Variants in PDS5B observed in about 807,000 individuals in gnomAD.
The protein encoded by PDS5B is PDS5 cohesin associated factor B, also known as sister chromatid cohesion protein PDS5 homolog B.
In PDS5B, 51 loss-of-function variants were observed where a neutral mutation model predicts 184.1. The observed-to-expected ratio is 0.28, with a 90% confidence interval of 0.22 to 0.35. PDS5B has a LOEUF of 0.35. Ranked by LOEUF, PDS5B falls within the 10% of genes least tolerant of loss-of-function variation. The probability of loss-of-function intolerance (pLI) is 1.00; values close to 1 mark genes in which losing one functional copy is unlikely to be tolerated. For missense variants in PDS5B, 1,180 were observed against 1,723.3 expected, an observed-to-expected ratio of 0.68 and a Z score of 5.58; for synonymous variants, 566 against 569.2, an observed-to-expected ratio of 0.99 and a Z score of 0.08.
chr13:32,626,425 A>G lies in PDS5B; in HGVS notation c.-19-22329A>G, dbSNP rs549263489. 3.7e-4 allele frequency among the ~76,000 whole-genome samples: 56 copies of G among 152,332 alleles called. 1 individual carries two copies. Among genetic ancestry groups the G allele is most frequent in the Admixed American group, 1.8e-3 (28 of 15,304 alleles). On this transcript the variant is annotated intron_variant, in intron 1 of 34. Coordinates refer to ENST00000315596, the MANE Select transcript of PDS5B (RefSeq NM_015032.4). ...TTGGAAAACCATTGTTAGATAATCAAGGTTTTAAGGCTGAATTCGACCTTG... is the reference window on the plus strand; with the variant it reads ...TTGGAAAACCATTGTTAGATAATCAGGGTTTTAAGGCTGAATTCGACCTTG...
intron 19 of PDS5B, among the ~76,000 whole-genome samples, chr13:32,716,653 T>G (rs1451431657): frequency 5.0e-5 from 5 of 100,534 alleles, no homozygotes; most frequent in South Asian, 3.6e-4. Context: ...CCGCCCCGTT[T>G]GGGAGGGAGG....
At position 32,756,091 on chromosome 13, in the gene PDS5B, CTCTTG is replaced by C. The variant is rs972216852; in HGVS notation, c.3056+140_3056+144del. On this transcript the variant is annotated intron_variant, in intron 26 of 34. Coordinates refer to ENST00000315596, the MANE Select transcript of PDS5B (RefSeq NM_015032.4). ...AGGTGTTTAAGGTTCTTTATTTGCT[CTCTTG>C]TCTTTCTTTTTTCATACCATCTCTT... 20 of 506,404 alleles carry C rather than the reference CTCTTG, an allele frequency of 3.9e-5. No homozygotes were observed. The Admixed American group carries it at 4.8e-4, about 12-fold the overall frequency. The allele number at this position is 506,404 out of a possible 1,614,324, so 31.4% of individuals were successfully genotyped here.
At chr13:32,696,447 CTTAA>C (rs1172953984) in intron 14 of PDS5B, among the ~76,000 whole-genome samples, 3 of 151,962 alleles carry the variant, frequency 2.0e-5, no homozygotes, top group Non-Finnish European at 4.4e-5. Flanking sequence ...TCAGTCACAT[CTTAA>C]TTGTCTTTCT....
intron 15 of PDS5B, among the ~76,000 whole-genome samples, chr13:32,697,977 G>A (rs536289609): frequency 3.7e-4 from 57 of 152,140 alleles, no homozygotes; most frequent in African/African-American, 1.2e-3. Context: ...TGTGAGCCAC[G>A]GTGCCTGGCC....
chr13:32,758,171 TAAAC>T lies in PDS5B; in HGVS notation c.3149_3152del (p.Thr1050LysfsTer11). The T allele has an allele frequency of 6.5e-7, 1 of 1,545,890 alleles. No individual in the cohort carries two copies. The highest frequency in any genetic ancestry group is 8.8e-7 in the Non-Finnish European group (1 of 1,131,862). ...TTATCAGAAAGATGGTAGAAAATATTAAACAAACAAAAGATGCCCAAGGACCAGA... is the reference window on the plus strand; with the variant it reads ...TTATCAGAAAGATGGTAGAAAATATTAAACAAAAGATGCCCAAGGACCAGA... On this transcript the variant is annotated frameshift_variant, in exon 27 of 35. Transcript: ENST00000315596. LOFTEE classifies it high-confidence loss of function.
At chr13:32,754,583 CT>C (rs67098964) in intron 25 of PDS5B, among the ~76,000 whole-genome samples, 58,590 of 151,326 alleles carry the variant, frequency 0.39, 11,782 homozygotes, top group Non-Finnish European at 0.45. Flanking sequence ...GACCCTCTTT[CT>C]TTTTTTTTCC....
Position 32,742,675 on chromosome 13 carries a change from C to T in PDS5B, c.2560C>T (p.Leu854=), listed in dbSNP as rs748144842. Residue 854 remains leucine, a synonymous_variant, in exon 23 of 35, where the codon CTA becomes TTA. Coordinates refer to ENST00000315596, the MANE Select transcript of PDS5B (RefSeq NM_015032.4). ...ATCAGGAACTTCTACCTTAAGATTG[C>T]TAACAACAATATTGCATAGTGATGG... ...SKSGTSTLRL[L]TTILHSDGDL... is the part of the protein sequence containing the mutation. The T allele has an allele frequency of 8.7e-6, 14 of 1,611,486 alleles. No individual in the cohort carries two copies. The highest frequency in any genetic ancestry group is 1.2e-5 in the Non-Finnish European group (14 of 1,178,150).
chr13:32,640,171 TAA>T (rs2058634238), intron 1 of PDS5B, among the ~76,000 whole-genome samples: 1 of 152,220 alleles, frequency 6.6e-6, no homozygotes, highest in South Asian at 2.1e-4. Context: ...TCAGTGTGAT[TAA>T]AAGATTCTCA....
chr13:32,752,204 C>G (rs1490939139), intron 24 of PDS5B, among the ~76,000 whole-genome samples: 1 of 152,120 alleles, frequency 6.6e-6, no homozygotes, highest in Non-Finnish European at 1.5e-5. Flanking sequence ...ATTCACATAA[C>G]ATTTATTATA....
intron 19 of PDS5B, among the ~76,000 whole-genome samples, chr13:32,727,946 T>C (rs1368301581): frequency 2.0e-5 from 3 of 152,030 alleles, no homozygotes; most frequent in Non-Finnish European, 4.4e-5. Context: ...TACTGTCTTA[T>C]AGATCACAGC....
intron 6 of PDS5B, among the ~76,000 whole-genome samples, chr13:32,664,349 G>A (rs1950728595): frequency 6.6e-6 from 1 of 152,174 alleles, no homozygotes; most frequent in African/African-American, 2.4e-5. Context: ...AAACCTTCTA[G>A]CATAATTTCA....
chr13:32,731,020 G>T (rs1408551335), intron 19 of PDS5B, among the ~76,000 whole-genome samples: 2 of 152,120 alleles, frequency 1.3e-5, no homozygotes, highest in African/African-American at 4.8e-5. Context: ...TCCTTGTCTT[G>T]TGCCGGTTTT....
At chr13:32,773,652 C>T (rs190645314) in intron 34 of PDS5B, among the ~76,000 whole-genome samples, 144 of 152,094 alleles carry the variant, frequency 9.5e-4, no homozygotes, top group Middle Eastern at 3.4e-3. Context: ...TACAACTCTC[C>T]GTTTGGTATT....
At chr13:32,745,843 G>A (rs1953723647) in intron 23 of PDS5B, 134 bp from the exon 24 acceptor site, 1 of 684,866 alleles carries the variant, frequency 1.5e-6, no homozygotes, top group Non-Finnish European at 2.4e-6. Context: ...GAATTTTGGG[G>A]GACACAAACA....
chr13:32,617,555 G>A (rs190592802), intron 1 of PDS5B, among the ~76,000 whole-genome samples: 1 of 152,296 alleles, frequency 6.6e-6, no homozygotes, highest in East Asian at 1.9e-4. Flanking sequence ...GGGCCCGTTT[G>A]ATTCAGAGGA....
chr13:32,744,217 A>G lies in PDS5B; in HGVS notation c.2612+1490A>G, dbSNP rs148083839. Among the ~76,000 whole-genome samples, 155 of 152,302 alleles carry G rather than the reference A, an allele frequency of 1.0e-3. 2 individuals are homozygous for G. In the East Asian group the frequency reaches 0.023, roughly 22 times the overall value. On this transcript the variant is annotated intron_variant, in intron 23 of 34. Coordinates refer to ENST00000315596, the MANE Select transcript of PDS5B (RefSeq NM_015032.4). ...ATGAGGATAACAATAGTATCTCCTT[A>G]TAGAGTTTATGTAAGGATTATATGT... is the stretch of plus-strand genomic sequence containing the variant.
At chr13:32,715,865 T>C (rs888638047) in intron 19 of PDS5B, among the ~76,000 whole-genome samples, 5 of 152,250 alleles carry the variant, frequency 3.3e-5, no homozygotes, top group Non-Finnish European at 7.3e-5. Context: ...TTTGCTGTGT[T>C]GGCCGGGCTG....
At chr13:32,727,292 TTA>T (rs1464546875) in intron 19 of PDS5B, among the ~76,000 whole-genome samples, 4 of 152,184 alleles carry the variant, frequency 2.6e-5, no homozygotes, top group African/African-American at 4.8e-5. Flanking sequence ...TGTTTTGTTT[TTA>T]TATGTTATAA....
At chr13:32,679,011 C>G in intron 10 of PDS5B, 82 bp downstream of exon 10, 1 of 661,556 alleles carries the variant, frequency 1.5e-6, no homozygotes, top group South Asian at 2.0e-5. Context: ...AAAAAAACCC[C>G]TTTTTTCGGG....
Sources: allele counts gnomAD v4.1 joint callset (sites outside exome capture counted in the v4.1 genomes callset), GRCh38; gene constraint gnomAD v4.1.1; transcripts MANE v1.5; gene names NCBI Gene and HGNC (gene_info 2026-07-23, HGNC 2026-07-21).